The following FRYL variants were observed in gnomAD, a reference collection of about 807,000 sequenced individuals.
The protein encoded by FRYL is protein furry homolog-like.
In FRYL, 150 loss-of-function variants were observed where a neutral mutation model predicts 351.2. That is an observed-to-expected ratio of 0.43 (90% confidence interval 0.37 to 0.49). The LOEUF (loss-of-function observed/expected upper bound fraction) is 0.49, where lower values mean the gene tolerates loss of function less well. FRYL is among the 20% of genes least tolerant of loss of function. The probability of loss-of-function intolerance (pLI) is 0.00; values close to 1 mark genes in which losing one functional copy is unlikely to be tolerated. For missense variants in FRYL, 3,036 were observed against 3,619.3 expected (o/e 0.84, Z 4.13); for synonymous variants, 1,153 against 1,257.1 (o/e 0.92, Z 1.75).
At chr4:48,657,199 C>T (rs1463172705) in intron 3 of FRYL, among the ~76,000 whole-genome samples, 5 of 152,038 alleles carry the variant, frequency 3.3e-5, no homozygotes, top group African/African-American at 7.2e-5. Flanking sequence ...GAAATGGGGT[C>T]GCATTCTGTT....
rs571674443 is a variant in FRYL, at chr4:48,686,819, C to T, written c.-203-2024G>A. 1.6e-4 allele frequency among the ~76,000 whole-genome samples: 25 copies of T among 152,340 alleles called. No individual in the cohort carries two copies. The South Asian group carries it at 3.1e-3, about 19-fold the overall frequency. On this transcript the variant is annotated intron_variant, in intron 2 of 63. Coordinates refer to ENST00000358350, the MANE Select transcript of FRYL (RefSeq NM_015030.2). ...TTCTTGTAATCACACTGTCATGGCA[C>T]TATGTCACTTTAAGACTTCTCAATA... is the stretch of plus-strand genomic sequence containing the variant.
intron 3 of FRYL, among the ~76,000 whole-genome samples, chr4:48,681,485 A>C (rs1353250914): frequency 6.6e-6 from 1 of 152,216 alleles, no homozygotes; most frequent in East Asian, 1.9e-4. Context: ...AGAGAAATTT[A>C]CTTTGGCCTG....
At chr4:48,639,442 G>C (rs896885866) in intron 3 of FRYL, among the ~76,000 whole-genome samples, 1 of 151,026 alleles carries the variant, frequency 6.6e-6, no homozygotes, top group African/African-American at 2.4e-5. Flanking sequence ...GAAGAAAGGA[G>C]ACCTTGCCAC....
intron 2 of FRYL, among the ~76,000 whole-genome samples, chr4:48,707,886 T>A (rs1767542918): frequency 6.6e-6 from 1 of 151,234 alleles, no homozygotes; most frequent in South Asian, 2.1e-4. Flanking sequence ...AGTGGTGCAA[T>A]CTTGGCTCAC....
At chr4:48,735,960 T>A (rs1578873995) in intron 1 of FRYL, among the ~76,000 whole-genome samples, 1 of 42,752 alleles carries the variant, frequency 2.3e-5, no homozygotes, top group Non-Finnish European at 4.0e-5. Flanking sequence ...ACCCTAAAAC[T>A]TAGAGTATAA....
chr4:48,555,892 A>G (rs1308994126), intron 35 of FRYL, among the ~76,000 whole-genome samples: 1 of 152,004 alleles, frequency 6.6e-6, no homozygotes, highest in African/African-American at 2.4e-5. Flanking sequence ...TTATTTATTT[A>G]TTTATTTTTA....
intron 1 of FRYL, among the ~76,000 whole-genome samples, chr4:48,731,668 A>G (rs534100246): frequency 6.6e-6 from 1 of 152,338 alleles, no homozygotes; most frequent in South Asian, 2.1e-4. Context: ...AACCTGACAC[A>G]CACAAGCAAT....
At chr4:48,543,047 A>G (rs1350765698) in intron 44 of FRYL, among the ~76,000 whole-genome samples, 1 of 152,136 alleles carries the variant, frequency 6.6e-6, no homozygotes, top group Non-Finnish European at 1.5e-5. Flanking sequence ...CCTGCAATGT[A>G]TTCTAGCGAC....
intron 20 of FRYL, among the ~76,000 whole-genome samples, chr4:48,581,919 C>CA (rs1452872966): frequency 1.3e-5 from 2 of 152,188 alleles, no homozygotes; most frequent in East Asian, 1.9e-4. Context: ...CTTTCACACT[C>CA]AGAGTGTGGA....
At chr4:48,698,761 ACT>A (rs1044745194) in intron 2 of FRYL, among the ~76,000 whole-genome samples, 3 of 152,104 alleles carry the variant, frequency 2.0e-5, no homozygotes, top group African/African-American at 7.2e-5. Flanking sequence ...ACATCCTGTA[ACT>A]CTGAAAAAAC....
At chr4:48,624,019 T>C (rs1289404534) in intron 4 of FRYL, among the ~76,000 whole-genome samples, 1 of 152,158 alleles carries the variant, frequency 6.6e-6, no homozygotes, top group African/African-American at 2.4e-5. Flanking sequence ...TGTTACTGCA[T>C]AAACTTCTGT....
chr4:48,574,996 G>A (rs1428332667), intron 25 of FRYL, 121 bp downstream of exon 25: 3 of 733,050 alleles, frequency 4.1e-6, no homozygotes, highest in Non-Finnish European at 6.6e-6. Flanking sequence ...GTGAAAGTCA[G>A]GCCTGGTATG....
intron 35 of FRYL, among the ~76,000 whole-genome samples, chr4:48,556,128 C>T (rs1734072978): frequency 6.6e-6 from 1 of 152,192 alleles, no homozygotes; most frequent in Admixed American, 6.5e-5. Context: ...CTCCTGACCT[C>T]AGGTGATCCG....
Position 48,582,509 on chromosome 4 carries a change from G to C in FRYL, c.1974C>G (p.Asn658Lys), listed in dbSNP as rs751507222. 13 of 1,609,762 alleles carry C rather than the reference G, an allele frequency of 8.1e-6. No individual in the cohort carries two copies. The African/African-American group carries it at 1.3e-4, about 17-fold the overall frequency. The change falls in exon 20 of 64, where the codon AAC becomes AAG. Residue 658 changes from asparagine (N) to lysine (K), a missense_variant. This residue lies in a region of FRYL where 492 missense variants were observed against 551.5 expected (regional missense o/e 0.89). Coordinates refer to ENST00000358350, the MANE Select transcript of FRYL (RefSeq NM_015030.2). ...AAGAATCTGGTACCTGAGTGTCCTG[G>C]TTTTTATTATGCATTTGGGCTGCTT... The part of the protein sequence containing the change: ...WKQAAQMHNK[N>K]QDTQHGVANG...
In FRYL at chr4:48,682,680, A is replaced by G. The variant is rs1437816292; in HGVS notation, c.-81+1993T>C. 5.3e-5 allele frequency among the ~76,000 whole-genome samples: 8 copies of G among 152,184 alleles called. No homozygotes were observed. In the East Asian group the frequency reaches 1.5e-3, roughly 29 times the overall value. On this transcript the variant is annotated intron_variant, in intron 3 of 63. Coordinates refer to ENST00000358350, the MANE Select transcript of FRYL (RefSeq NM_015030.2). ...ACATACGAAAAAAAACCTCATCATC[A>G]CTGGTCATTAGATAATGCAAATCAA... is the stretch of plus-strand genomic sequence containing the variant.
At chr4:48,777,830 TG>T (rs1267079504) in intron 1 of FRYL, among the ~76,000 whole-genome samples, 1 of 151,780 alleles carries the variant, frequency 6.6e-6, no homozygotes, top group Non-Finnish European at 1.5e-5. Flanking sequence ...ATCACAGAAA[TG>T]GATCAAAGAA....
chr4:48,497,760 T>C lies in FRYL; in HGVS notation c.*1662A>G, dbSNP rs1446143978. The C allele has an allele frequency of 6.6e-6, 1 of 152,580 alleles. No individual in the cohort carries two copies. Among genetic ancestry groups the C allele is most frequent in the Admixed American group, 6.5e-5 (1 of 15,268 alleles). The allele number at this position is 152,580 out of a possible 1,614,324, so 9.5% of individuals were successfully genotyped here. On this transcript the variant is annotated 3_prime_UTR_variant, in exon 64 of 64. Transcript: ENST00000358350. ...CAGAACACCATCAAAATAATTGTCT[T>C]TATCAGGGTCAAAAAATACAGTGAT...
chr4:48,547,586 G>C lies in FRYL; in HGVS notation c.5072C>G (p.Thr1691Arg). 1 of 1,526,984 alleles carries C rather than the reference G, an allele frequency of 6.5e-7. No individual in the cohort carries two copies. Among genetic ancestry groups the C allele is most frequent in the Non-Finnish European group, 8.9e-7 (1 of 1,122,104 alleles). The allele number at this position is 1,526,984 out of a possible 1,614,324, so 94.6% of individuals were successfully genotyped here. A position where few individuals can be genotyped will look rare whatever the true frequency, so the allele number is the denominator to read the frequency against. ...KQVAHLDYNF[T>R]AGINDFIPDY... ...AATTGTACATTTAAAGCAAATACCT[G>C]TGAAATTATAATCTAAGTGTGCAAC... The change falls in exon 41 of 64, where the codon ACA becomes AGA. Residue 1691 changes from threonine to arginine, a missense_variant and splice_region_variant. Thr to Arg is a moderately conservative substitution (Grantham distance 71). This residue lies in a region of FRYL where 1,987 missense variants were observed against 2,311.7 expected (regional missense o/e 0.86). Transcript: ENST00000358350.
At chr4:48,725,659 G>A (rs1769993927) in intron 1 of FRYL, among the ~76,000 whole-genome samples, 1 of 152,070 alleles carries the variant, frequency 6.6e-6, no homozygotes, top group South Asian at 2.1e-4. Context: ...CTACCCACCC[G>A]CTAGTCACTT....
Sources: gnomAD v4.1 joint callset for allele counts (sites outside exome capture counted in the v4.1 genomes callset) on GRCh38, gnomAD v4.1.1 for gene constraint, gnomAD v4.1.1 regional missense constraint, MANE v1.5 for transcripts, NCBI Gene and HGNC (gene_info 2026-07-23, HGNC 2026-07-21) for gene names.